HYCC2: variants seen among roughly 807,000 people sequenced by gnomAD.
HYCC2 encodes the protein hyccin PI4KA lipid kinase complex subunit 2.
chr2:201,069,025 A>AG, the HYCC2 span, among the ~76,000 whole-genome samples: 1 of 152,230 alleles, frequency 6.6e-6, no homozygotes, highest in South Asian at 2.1e-4. Context: ...GGAAAAAAAA[A>AG]GAACAATACA....
At chr2:201,034,181 A>G in the HYCC2 span, among the ~76,000 whole-genome samples, 1 of 152,216 alleles carries the variant, frequency 6.6e-6, no homozygotes, top group Non-Finnish European at 1.5e-5. Flanking sequence ...CCAACTCTAT[A>G]AAAATACTAC....
At chr2:200,974,739 G>T in the HYCC2 span, 4 of 151,752 alleles carry the variant, frequency 2.6e-5, no homozygotes, top group African/African-American at 9.7e-5. Context: ...TACATTCCAT[G>T]ATTTCCAAAA....
chr2:201,017,280 T>C, the HYCC2 span: 2 of 812,320 alleles, frequency 2.5e-6, no homozygotes, highest in South Asian at 4.9e-5. Context: ...AGTCTTAATA[T>C]TAATTTCTCC....
the HYCC2 span, among the ~76,000 whole-genome samples, chr2:201,023,430 C>G: frequency 6.6e-6 from 1 of 152,080 alleles, no homozygotes; most frequent in Non-Finnish European, 1.5e-5. Flanking sequence ...TCTAACTACT[C>G]AACCATAAAT....
chr2:201,039,465 C>T, the HYCC2 span, among the ~76,000 whole-genome samples: 2 of 152,104 alleles, frequency 1.3e-5, no homozygotes, highest in African/African-American at 4.8e-5. Flanking sequence ...CAAATATCGT[C>T]CAGAAATTTT....
chr2:200,973,870 G>A, the HYCC2 span: 1 of 152,124 alleles, frequency 6.6e-6, no homozygotes, highest in African/African-American at 2.4e-5. Context: ...GACTGATACT[G>A]AATTTTATAC....
At chr2:200,988,369 T>C in the HYCC2 span, 1 of 1,613,680 alleles carries the variant, frequency 6.2e-7, no homozygotes, top group Non-Finnish European at 8.5e-7. Context: ...CTGGCCTTCT[T>C]GTGTAGAATC....
At chr2:201,027,020 C>T in the HYCC2 span, among the ~76,000 whole-genome samples, 1 of 152,024 alleles carries the variant, frequency 6.6e-6, no homozygotes, top group African/African-American at 2.4e-5. Flanking sequence ...TCCATGAATC[C>T]AGGAGCTGGT....
the HYCC2 span, chr2:200,997,518 T>A: frequency 6.2e-7 from 1 of 1,613,116 alleles, no homozygotes; most frequent in Non-Finnish European, 8.5e-7. Flanking sequence ...TAACACAGCA[T>A]GAGAAAACTC....
the HYCC2 span, among the ~76,000 whole-genome samples, chr2:201,025,114 A>AAAAT: frequency 4.3e-4 from 66 of 152,092 alleles, no homozygotes; most frequent in African/African-American, 1.1e-3. Flanking sequence ...CTCTGTCTCA[A>AAAAT]AAATAAATAA....
chr2:201,065,560 T>C, the HYCC2 span, among the ~76,000 whole-genome samples: 306 of 152,372 alleles, frequency 2.0e-3, 2 homozygotes, highest in Middle Eastern at 3.4e-3. Context: ...CTCTAGGCCC[T>C]AATTCTTCAT....
chr2:201,025,648 T>C, the HYCC2 span, among the ~76,000 whole-genome samples: 1 of 152,158 alleles, frequency 6.6e-6, no homozygotes, highest in Non-Finnish European at 1.5e-5. Flanking sequence ...TAAAAGGTCC[T>C]GTGGTAAGAA....
chr2:201,069,448 T>A, the HYCC2 span, among the ~76,000 whole-genome samples: 1 of 151,962 alleles, frequency 6.6e-6, no homozygotes, highest in Non-Finnish European at 1.5e-5. Flanking sequence ...TACTCGATAC[T>A]CAACTTACTG....
At chr2:201,062,725 G>A in the HYCC2 span, among the ~76,000 whole-genome samples, 1 of 151,246 alleles carries the variant, frequency 6.6e-6, no homozygotes, top group Non-Finnish European at 1.5e-5. Flanking sequence ...GGCAGAGATG[G>A]GAGGATCATT....
At chr2:200,988,386 A>G in the HYCC2 span, 1 of 1,613,328 alleles carries the variant, frequency 6.2e-7, no homozygotes, top group South Asian at 1.1e-5. Context: ...AATCAGGAGC[A>G]TCAAATGGTA....
At chr2:201,018,354 T>TA in the HYCC2 span, among the ~76,000 whole-genome samples, 6 of 151,256 alleles carry the variant, frequency 4.0e-5, no homozygotes, top group Non-Finnish European at 8.8e-5. Context: ...ACTAACTCTT[T>TA]AAAAAAAAAG....
chr2:201,032,864 A>C, the HYCC2 span, among the ~76,000 whole-genome samples: 1 of 152,082 alleles, frequency 6.6e-6, no homozygotes, highest in Non-Finnish European at 1.5e-5. Flanking sequence ...GGGTCTTACT[A>C]TGTTGCCCAG....
the HYCC2 span, among the ~76,000 whole-genome samples, chr2:201,009,852 C>G: frequency 9.6e-4 from 146 of 151,626 alleles, 2 homozygotes; most frequent in African/African-American, 3.4e-3. Context: ...GCCTGTAATC[C>G]CAGCACTTCG....
At chr2:201,047,678 A>T in the HYCC2 span, among the ~76,000 whole-genome samples, 1 of 151,420 alleles carries the variant, frequency 6.6e-6, no homozygotes, top group Admixed American at 6.6e-5. Context: ...GTAAGGATGG[A>T]GAAAAAAATC....
Sources: gnomAD v4.1 joint callset for allele counts (sites outside exome capture counted in the v4.1 genomes callset) on GRCh38, gnomAD v4.1.1 for gene constraint, MANE v1.5 for transcripts, NCBI Gene and HGNC (gene_info 2026-07-23, HGNC 2026-07-21) for gene names.